Variants in DLG1 observed in about 807,000 individuals in gnomAD.
DLG1 encodes the protein disks large homolog 1.
A neutral mutation model predicts 123.4 loss-of-function variants in DLG1; 42 were observed. That is an observed-to-expected ratio of 0.34 (90% CI 0.27 to 0.44). The LOEUF (loss-of-function observed/expected upper bound fraction) is 0.44, where lower values mean the gene tolerates loss of function less well. DLG1 is among the 20% of genes least tolerant of loss of function. The pLI, the probability that DLG1 is intolerant of heterozygous loss-of-function variation, is 1.00. For missense variants in DLG1, 942 were observed against 1,082.6 expected (o/e 0.87, Z 1.82); for synonymous variants, 317 against 356.2 (o/e 0.89, Z 1.24).
At chr3:197,093,861 G>A (rs945151575) in intron 14 of DLG1, among the ~76,000 whole-genome samples, 6 of 152,016 alleles carry the variant, frequency 3.9e-5, no homozygotes, top group African/African-American at 1.2e-4. Context: ...TTTCCCCATC[G>A]ACAGGTGGAA....
chr3:197,186,197 C>T (rs781562833), intron 5 of DLG1, among the ~76,000 whole-genome samples: 62 of 152,254 alleles, frequency 4.1e-4, no homozygotes, highest in Non-Finnish European at 6.5e-4. Context: ...ACCTAAATCA[C>T]AAGAGGGGTT....
intron 4 of DLG1, among the ~76,000 whole-genome samples, chr3:197,263,351 G>T (rs1200853088): frequency 1.3e-5 from 2 of 152,044 alleles, no homozygotes; most frequent in Admixed American, 6.6e-5. Context: ...TTTTCTTCGG[G>T]GGGGTGGGAG....
intron 4 of DLG1, among the ~76,000 whole-genome samples, chr3:197,248,619 C>T (rs148738416): frequency 7.2e-5 from 11 of 152,322 alleles, no homozygotes; most frequent in South Asian, 4.1e-4. Flanking sequence ...TTATTCCTAA[C>T]GCCATTCCTG....
intron 19 of DLG1, 109 bp from the exon 20 acceptor site, chr3:197,066,863 A>G (rs1039327223): frequency 1.6e-6 from 1 of 639,724 alleles, no homozygotes; most frequent in African/African-American, 1.9e-5. Flanking sequence ...GAAAATGGCA[A>G]AGATATGGAA....
intron 4 of DLG1, among the ~76,000 whole-genome samples, chr3:197,230,527 A>G (rs1275561651): frequency 1.3e-5 from 2 of 152,226 alleles, no homozygotes; most frequent in Non-Finnish European, 2.9e-5. Context: ...TGTTACTATC[A>G]TAAAACAAGG....
intron 16 of DLG1, among the ~76,000 whole-genome samples, chr3:197,083,678 C>G (rs977605119): frequency 3.9e-5 from 6 of 152,174 alleles, no homozygotes; most frequent in African/African-American, 1.2e-4. Context: ...ATCATTAGGG[C>G]TGGCTGCAGT....
At chr3:197,060,113 C>T in intron 22 of DLG1, 115 bp from the exon 23 acceptor site, 1 of 619,638 alleles carries the variant, frequency 1.6e-6, no homozygotes, top group Non-Finnish European at 2.7e-6. Flanking sequence ...GATCCTTGTT[C>T]ACTTTTAGTA....
intron 4 of DLG1, among the ~76,000 whole-genome samples, chr3:197,217,849 A>G (rs1734890862): frequency 6.6e-6 from 1 of 152,210 alleles, no homozygotes; most frequent in Admixed American, 6.5e-5. Context: ...GGATACATTT[A>G]CCATCTTGAT....
At chr3:197,261,269 C>T (rs541403158) in intron 4 of DLG1, among the ~76,000 whole-genome samples, 28 of 152,290 alleles carry the variant, frequency 1.8e-4, no homozygotes, top group Admixed American at 1.6e-3. Flanking sequence ...AGCCACACTC[C>T]CCTATACAAA....
At chr3:197,218,959 C>T (rs1028472551) in intron 4 of DLG1, among the ~76,000 whole-genome samples, 2 of 151,978 alleles carry the variant, frequency 1.3e-5, no homozygotes, top group African/African-American at 4.8e-5. Flanking sequence ...TGGAGAAACC[C>T]GTCTCTAGTA....
intron 13 of DLG1, among the ~76,000 whole-genome samples, chr3:197,111,053 T>G (rs1769718565): frequency 6.6e-6 from 1 of 152,154 alleles, no homozygotes; most frequent in Non-Finnish European, 1.5e-5. Context: ...TCCTTTTAAG[T>G]TTATTGATCG....
intron 5 of DLG1, among the ~76,000 whole-genome samples, chr3:197,187,178 AGTGC>A (rs879762042): frequency 1.3e-5 from 2 of 152,182 alleles, no homozygotes; most frequent in Admixed American, 1.3e-4. Context: ...TCTAGTGGTC[AGTGC>A]ATGCAAACTA....
intron 4 of DLG1, among the ~76,000 whole-genome samples, chr3:197,210,763 AAAC>A (rs1730896390): frequency 6.9e-6 from 1 of 145,016 alleles, no homozygotes; most frequent in Non-Finnish European, 1.5e-5. Flanking sequence ...TTTAAGAAAG[AAAC>A]AATATCAATT....
At chr3:197,189,477 T>C (rs1718032016) in intron 5 of DLG1, among the ~76,000 whole-genome samples, 2 of 152,212 alleles carry the variant, frequency 1.3e-5, no homozygotes, top group African/African-American at 4.8e-5. Context: ...TTTTTTCTGC[T>C]GGGATTGAAA....
intron 19 of DLG1, 44 bp from the exon 20 acceptor site, chr3:197,066,798 T>C (rs756061731): frequency 1.0e-5 from 13 of 1,304,408 alleles, no homozygotes; most frequent in Non-Finnish European, 1.4e-5. Flanking sequence ...GTAAAGATAA[T>C]TGATGCTAAT....
chr3:197,080,454 CTTTTTTTTTTTTTT>C (rs35708797), intron 17 of DLG1: 3 of 97,488 alleles, frequency 3.1e-5, no homozygotes, highest in African/African-American at 1.2e-4. Context: ...AATTTTTTAC[CTTTTTTTTTTTTTT>C]TTTTTTTTTA....
Position 197,211,057 on chromosome 3 carries a change from TGAA to T in DLG1, c.319-16471_319-16469del, listed in dbSNP as rs1470252256. ...ATGTAATTCTCTATATTTAACAGAATGAAGGAGAAAAATTATATAATTATTTCA... is the reference window on the plus strand; with the variant it reads ...ATGTAATTCTCTATATTTAACAGAATGGAGAAAAATTATATAATTATTTCA... On this transcript the variant is annotated intron_variant, in intron 4 of 24. Coordinates refer to ENST00000667157, the MANE Select transcript of DLG1 (RefSeq NM_001366207.1). 1.7e-4 allele frequency among the ~76,000 whole-genome samples: 24 copies of T among 137,684 alleles called. 1 individual carries two copies. The highest frequency in any genetic ancestry group is 3.9e-4 in the East Asian group (2 of 5,074). 90.3% of individuals were successfully genotyped at this position (137,684 alleles called of 152,430 possible).
intron 3 of DLG1, among the ~76,000 whole-genome samples, chr3:197,291,430 G>A (rs1339266803): frequency 6.6e-6 from 1 of 151,864 alleles, no homozygotes; most frequent in Non-Finnish European, 1.5e-5. Context: ...ACTATAGCTG[G>A]AAGATCTCAA....
chr3:197,270,785 C>T (rs1763605142), intron 4 of DLG1, among the ~76,000 whole-genome samples: 1 of 152,148 alleles, frequency 6.6e-6, no homozygotes, highest in Non-Finnish European at 1.5e-5. Flanking sequence ...TGTGAGCCTC[C>T]TGATGATGCA....
Sources: allele counts gnomAD v4.1 joint callset (sites outside exome capture counted in the v4.1 genomes callset), GRCh38; gene constraint gnomAD v4.1.1; transcripts MANE v1.5; gene names NCBI Gene and HGNC (gene_info 2026-07-23, HGNC 2026-07-21).